Variants in EXOC4 observed in about 807,000 individuals in gnomAD.
The protein encoded by EXOC4 is SEC8-like 1.
Under a neutral mutation model 107.2 loss-of-function variants are expected in EXOC4, and 71 were observed. That is an observed-to-expected ratio of 0.66 (90% CI 0.55 to 0.81). EXOC4 has a LOEUF of 0.81. Among genes scored for constraint, EXOC4 ranks in the 30% least tolerant of loss-of-function variants. The pLI is 0.00. For synonymous variants in EXOC4, 456 were observed against 441.2 expected (o/e 1.03, Z -0.42); for missense variants, 1,108 against 1,189.6 (o/e 0.93, Z 1.01).
At chr7:133,725,925 CAAAT>C (rs1795205557) in intron 10 of EXOC4, among the ~76,000 whole-genome samples, 1 of 152,104 alleles carries the variant, frequency 6.6e-6, no homozygotes, top group Admixed American at 6.6e-5. Flanking sequence ...GAAATTCAAA[CAAAT>C]AACTTAAAGG....
intron 17 of EXOC4, among the ~76,000 whole-genome samples, chr7:134,053,825 C>T (rs919844040): frequency 6.6e-6 from 1 of 152,024 alleles, no homozygotes; most frequent in African/African-American, 2.4e-5. Flanking sequence ...ATCCTCTTTT[C>T]TGATTTTCTT....
At chr7:133,287,905 C>T (rs189454418) in intron 2 of EXOC4, among the ~76,000 whole-genome samples, 21 of 152,244 alleles carry the variant, frequency 1.4e-4, no homozygotes, top group Admixed American at 2.6e-4. Flanking sequence ...ACCAAAAATA[C>T]GGTAGACTCT....
At chr7:134,011,020 C>A (rs1448061636) in intron 17 of EXOC4, among the ~76,000 whole-genome samples, 1 of 152,168 alleles carries the variant, frequency 6.6e-6, no homozygotes, top group Non-Finnish European at 1.5e-5. Flanking sequence ...AGCCTCTGTC[C>A]TCTATGGTAA....
intron 10 of EXOC4, among the ~76,000 whole-genome samples, chr7:133,750,708 T>C (rs1204577869): frequency 6.6e-6 from 1 of 151,968 alleles, no homozygotes; most frequent in Non-Finnish European, 1.5e-5. Context: ...GCCTCCCAAG[T>C]AGCTGGGACC....
intron 10 of EXOC4, among the ~76,000 whole-genome samples, chr7:133,706,739 G>A (rs1204894752): frequency 6.6e-6 from 1 of 152,134 alleles, no homozygotes; most frequent in African/African-American, 2.4e-5. Context: ...ATTTGGACTA[G>A]CCACATTTGA....
At chr7:134,028,249 CT>C (rs1795189388) in intron 17 of EXOC4, among the ~76,000 whole-genome samples, 1 of 152,208 alleles carries the variant, frequency 6.6e-6, no homozygotes. Context: ...ATAATTATGA[CT>C]TCTGTTCACA....
rs189535238 is a variant in EXOC4 at position 133,428,485 on chromosome 7, G to A, written c.1183-46843G>A. ...GGAAGAAGCAATGTCAGAACAAATG[G>A]TAATCACTCTGTGCTAATATTCTAT... On this transcript the variant is annotated intron_variant, in intron 7 of 17. Coordinates refer to ENST00000253861, the MANE Select transcript of EXOC4 (RefSeq NM_021807.4). 1.4e-3 allele frequency among the ~76,000 whole-genome samples: 210 copies of A among 152,300 alleles called. 2 individuals carry two copies. Among genetic ancestry groups the A allele is most frequent in the African/African-American group, 4.8e-3 (201 of 41,562 alleles).
At chr7:133,674,298 G>T (rs1184937147) in intron 10 of EXOC4, among the ~76,000 whole-genome samples, 3 of 152,162 alleles carry the variant, frequency 2.0e-5, no homozygotes, top group African/African-American at 7.2e-5. Context: ...TCCCCACCCA[G>T]TGGGCTTTAC....
intron 10 of EXOC4, among the ~76,000 whole-genome samples, chr7:133,719,683 C>CA (rs112356468): frequency 8.5e-4 from 129 of 152,026 alleles, no homozygotes; most frequent in African/African-American, 3.0e-3. Flanking sequence ...GGCATAGTGA[C>CA]AAAAACAACA....
the EXOC4 span, among the ~76,000 whole-genome samples, chr7:134,080,283 TAAG>T: frequency 1.3e-5 from 2 of 152,100 alleles, no homozygotes; most frequent in Admixed American, 6.6e-5. Context: ...AAAAGGAGCT[TAAG>T]AAGGTTTTTA....
chr7:133,634,379 A>G (rs1181030918), intron 10 of EXOC4, among the ~76,000 whole-genome samples: 1 of 152,196 alleles, frequency 6.6e-6, no homozygotes, highest in Non-Finnish European at 1.5e-5. Flanking sequence ...TTCTGGAAAG[A>G]AATGGGCTTT....
intron 11 of EXOC4, among the ~76,000 whole-genome samples, chr7:133,835,346 T>C (rs1797895692): frequency 6.6e-6 from 1 of 152,136 alleles, no homozygotes; most frequent in African/African-American, 2.4e-5. Context: ...TGCAGCCTTG[T>C]TTTATACATT....
intron 9 of EXOC4, among the ~76,000 whole-genome samples, chr7:133,547,736 G>C (rs530488708): frequency 1.3e-5 from 2 of 152,204 alleles, no homozygotes; most frequent in South Asian, 4.2e-4. Context: ...GTTTTATCAT[G>C]AGATTGTAGC....
intron 13 of EXOC4, among the ~76,000 whole-genome samples, chr7:133,926,037 C>G (rs1191815568): frequency 9.3e-6 from 1 of 107,708 alleles, no homozygotes; most frequent in African/African-American, 4.8e-5. Context: ...AGCAAGACTC[C>G]GTCTCAAAAA....
intron 5 of EXOC4, among the ~76,000 whole-genome samples, chr7:133,349,661 G>GC (rs1795864369): frequency 6.6e-6 from 1 of 152,088 alleles, no homozygotes; most frequent in African/African-American, 2.4e-5. Context: ...TCAAGACCCT[G>GC]CCTGCAATTC....
intron 9 of EXOC4, among the ~76,000 whole-genome samples, chr7:133,497,661 C>T (rs1217028151): frequency 6.6e-6 from 1 of 152,120 alleles, no homozygotes; most frequent in Non-Finnish European, 1.5e-5. Context: ...AAACCCCTGA[C>T]CTCGTGTTCC....
At chr7:134,092,873 A>G in the EXOC4 span, among the ~76,000 whole-genome samples, 1 of 149,116 alleles carries the variant, frequency 6.7e-6, no homozygotes, top group Non-Finnish European at 1.5e-5. Flanking sequence ...CAGTGAGCCA[A>G]GATCACGCCA....
At chr7:133,764,422 C>T (rs557095871) in intron 10 of EXOC4, among the ~76,000 whole-genome samples, 11 of 152,020 alleles carry the variant, frequency 7.2e-5, no homozygotes, top group Non-Finnish European at 1.5e-4. Flanking sequence ...TTTATGATGG[C>T]GTCTCTGTTG....
intron 7 of EXOC4, among the ~76,000 whole-genome samples, chr7:133,422,784 G>GA (rs944312131): frequency 3.3e-5 from 5 of 151,812 alleles, no homozygotes; most frequent in South Asian, 2.1e-4. Context: ...TTTAATAATA[G>GA]AAAAAAAATC....
Sources: gnomAD v4.1 joint callset for allele counts (sites outside exome capture counted in the v4.1 genomes callset) on GRCh38, gnomAD v4.1.1 for gene constraint, MANE v1.5 for transcripts, NCBI Gene and HGNC (gene_info 2026-07-23, HGNC 2026-07-21) for gene names.